KASH5: variants seen among roughly 807,000 people sequenced by gnomAD.
KASH5 encodes KASH domain containing 5.
In KASH5, 72 loss-of-function variants were observed where a neutral mutation model predicts 84.2. The observed-to-expected ratio is 0.85, with a 90% CI of 0.71 to 1.04. KASH5 has a LOEUF of 1.04. Among genes scored for constraint, KASH5 ranks in the 50% least tolerant of loss-of-function variants. The pLI is 0.00. For synonymous variants in KASH5, 260 were observed against 279.1 expected (o/e 0.93, Z 0.68); for missense variants, 650 against 701.0 (o/e 0.93, Z 0.82).
intron 1 of KASH5, chr19:49,389,445 T>C (rs983489002): frequency 1.3e-4 from 19 of 148,718 alleles, no homozygotes; most frequent in Non-Finnish European, 2.2e-4. Flanking sequence ...CCCGTCTCAG[T>C]CCCGTCAGAC....
At position 49,399,055 on chromosome 19, in the gene KASH5, C is replaced by T. The variant is rs1275606720; in HGVS notation, c.660C>T (p.Ala220=). Residue 220 remains alanine, a synonymous_variant, in exon 8 of 20, where the codon GCC becomes GCT. Transcript: ENST00000447857. This position sits in a 1 kb window ranked among gnomAD's most constrained non-coding sequence, Gnocchi z 4.4. ...AGCAGGCCCTGCAGTTTGCCAAGGC[C>T]ATGGATGAGGAGCTGGAGGACCTGA... ...STQQALQFAK[A]MDEELEDLKT... 5 of 1,551,520 alleles carry T rather than the reference C, an allele frequency of 3.2e-6. No individual in the cohort carries two copies. The highest frequency in any genetic ancestry group is 1.4e-5 in the African/African-American group (1 of 73,042).
chr19:49,406,805 C>T (rs2122183492), intron 9 of KASH5, 81 bp from the exon 10 acceptor site: 2 of 1,260,826 alleles, frequency 1.6e-6, no homozygotes, highest in East Asian at 5.0e-5. Context: ...GTATATCAAT[C>T]AAGTGTTTAG....
chr19:49,411,313 A>G (rs1974702396), intron 15 of KASH5, among the ~76,000 whole-genome samples: 1 of 152,052 alleles, frequency 6.6e-6, no homozygotes, highest in African/African-American at 2.4e-5. Context: ...TGTCTTGAGA[A>G]CTGCACCACT....
intron 9 of KASH5, among the ~76,000 whole-genome samples, chr19:49,402,071 A>G (rs1029545745): frequency 1.3e-5 from 2 of 151,308 alleles, no homozygotes; most frequent in East Asian, 3.9e-4. Flanking sequence ...GTGAAGCCCC[A>G]TCTCTACTAA....
At position 49,399,021 on chromosome 19, in the gene KASH5, T is replaced by G; in HGVS notation, c.630-4T>G. On this transcript the variant is annotated splice_region_variant and splice_polypyrimidine_tract_variant and intron_variant, in intron 7 of 19. Coordinates refer to ENST00000447857, the MANE Select transcript of KASH5 (RefSeq NM_144688.5). This position sits in a 1 kb window ranked among gnomAD's most constrained non-coding sequence, Gnocchi z 4.4. ...ATGGCTCATCTGCCCCCACCCGCATTCAGCACCCAGCAGGCCCTGCAGTTT... is the reference window on the plus strand; with the variant it reads ...ATGGCTCATCTGCCCCCACCCGCATGCAGCACCCAGCAGGCCCTGCAGTTT... 6.4e-7 allele frequency: 1 copy of G among 1,550,962 alleles called. No homozygotes were observed. Among genetic ancestry groups the G allele is most frequent in the Non-Finnish European group, 8.7e-7 (1 of 1,146,592 alleles).
Position 49,412,912 on chromosome 19 carries a change from G to T in KASH5, c.1270-56G>T. The T allele has an allele frequency of 1.3e-6, 2 of 1,580,770 alleles. No homozygotes were observed. Among genetic ancestry groups the T allele is most frequent in the African/African-American group, 2.7e-5 (2 of 74,432 alleles). ...CGGGGGAGACAGTGGGCACTGTTAGGGTTGGAGCTTTGAGTGAGAAGAATC... is the reference window on the plus strand; with the variant it reads ...CGGGGGAGACAGTGGGCACTGTTAGTGTTGGAGCTTTGAGTGAGAAGAATC... On this transcript the variant is annotated intron_variant, in intron 15 of 19. Coordinates refer to ENST00000447857, the MANE Select transcript of KASH5 (RefSeq NM_144688.5). This position sits in a 1 kb window ranked among gnomAD's most constrained non-coding sequence, Gnocchi z 4.6.
intron 10 of KASH5, 94 bp downstream of exon 10, chr19:49,407,057 G>A (rs2122185323): frequency 7.4e-7 from 1 of 1,348,518 alleles, no homozygotes; most frequent in Non-Finnish European, 1.0e-6. Flanking sequence ...ATAAGGGCAG[G>A]GTCTTCCATC....
At position 49,394,504 on chromosome 19, in the gene KASH5, A is replaced by C. The variant is rs1974109371; in HGVS notation, c.72A>C (p.Ala24=). 7 of 1,613,740 alleles carry C rather than the reference A, an allele frequency of 4.3e-6. No homozygotes were observed. Among genetic ancestry groups the C allele is most frequent in the Non-Finnish European group, 4.2e-6 (5 of 1,179,878 alleles). Residue 24 remains alanine (A), a synonymous_variant, in exon 3 of 20, where the codon GCA becomes GCC. Transcript: ENST00000447857. ...ACCTCCGGGAGCGGCCTGAGGAGGC[A>C]AGGCTGGGAATGCCGGTCAGCTTGG... is the stretch of plus-strand genomic sequence containing the variant. ...EMYLRERPEE[A]RLGMPVSLEE...
At position 49,399,386 on chromosome 19, in the gene KASH5, G is replaced by A; in HGVS notation, c.748-71G>A. On this transcript the variant is annotated intron_variant, in intron 8 of 19. Transcript: ENST00000447857. This position sits in a 1 kb window ranked among gnomAD's most constrained non-coding sequence, Gnocchi z 4.4. The stretch of plus-strand genomic sequence containing the variant: ...CCAGGCCCTGGTTGTGTTTTCAGGG[G>A]TGGGAGAAGGGCAACATGGGGGCAA... 6.9e-7 allele frequency: 1 copy of A among 1,455,140 alleles called. No individual in the cohort carries two copies. Among genetic ancestry groups the A allele is most frequent in the Non-Finnish European group, 9.5e-7 (1 of 1,055,888 alleles). The allele number at this position is 1,455,140 out of a possible 1,614,324, so 90.1% of individuals were successfully genotyped here.
intron 9 of KASH5, among the ~76,000 whole-genome samples, chr19:49,405,685 G>T (rs1039729463): frequency 6.6e-6 from 1 of 151,292 alleles, no homozygotes; most frequent in Non-Finnish European, 1.5e-5. Flanking sequence ...AGCCGGGTGC[G>T]GTGGCTCACA....
At chr19:49,409,507 C>T (rs1453597248) in intron 14 of KASH5, among the ~76,000 whole-genome samples, 2 of 152,168 alleles carry the variant, frequency 1.3e-5, no homozygotes, top group Non-Finnish European at 1.5e-5. Flanking sequence ...AGCTTTGACT[C>T]ACCCCTATCT....
rs1974281274 is a variant in KASH5 at position 49,399,127 on chromosome 19, C to A, written c.732C>A (p.Ala244=). 6.5e-7 allele frequency: 1 copy of A among 1,549,912 alleles called. No homozygotes were observed. The highest frequency in any genetic ancestry group is 1.4e-5 in the African/African-American group (1 of 72,908). ...SLEEQNRSLL[A]QARQAEKEQQ... Reference sequence around the variant, plus strand: ...AGGAACAGAATCGCAGCCTTCTGGCCCAAGCCCGGCAGGCGGTGGGTCTGG... The same window carrying A: ...AGGAACAGAATCGCAGCCTTCTGGCACAAGCCCGGCAGGCGGTGGGTCTGG... The change falls in exon 8 of 20, where the codon GCC becomes GCA. Residue 244 remains alanine, a synonymous_variant. Coordinates refer to ENST00000447857, the MANE Select transcript of KASH5 (RefSeq NM_144688.5). This position sits in a 1 kb window ranked among gnomAD's most constrained non-coding sequence, Gnocchi z 4.4.
intron 2 of KASH5, among the ~76,000 whole-genome samples, chr19:49,394,090 GC>G (rs1270846859): frequency 6.6e-6 from 1 of 151,988 alleles, no homozygotes; most frequent in Non-Finnish European, 1.5e-5. Context: ...TGGCTCCTGG[GC>G]CCCCCCTTCA....
In KASH5 at chr19:49,409,097, T is replaced by C. The variant is rs1974627587; in HGVS notation, c.1058+66T>C. On this transcript the variant is annotated intron_variant, in intron 13 of 19. Coordinates refer to ENST00000447857, the MANE Select transcript of KASH5 (RefSeq NM_144688.5). ...GCCTAAGGGCAGGGACACCCTGGCC[T>C]CCAGCCCCAAGGTGGGCAGGGAAGG... The C allele has an allele frequency of 1.9e-6, 3 of 1,580,752 alleles. No homozygotes were observed. The South Asian group carries it at 3.4e-5, about 18-fold the overall frequency.
intron 15 of KASH5, among the ~76,000 whole-genome samples, chr19:49,411,726 A>G (rs917667857): frequency 6.6e-6 from 1 of 152,182 alleles, no homozygotes; most frequent in Non-Finnish European, 1.5e-5. Flanking sequence ...AAGGCCTGAT[A>G]GGAGAGACCC....
intron 17 of KASH5, chr19:49,415,278 G>A (rs1045549796): frequency 1.1e-5 from 6 of 526,872 alleles, no homozygotes; most frequent in African/African-American, 7.7e-5. Context: ...CCTCATAGAC[G>A]TGGCTACACC....
At chr19:49,400,193 A>G (rs1974316005) in intron 9 of KASH5, among the ~76,000 whole-genome samples, 1 of 138,216 alleles carries the variant, frequency 7.2e-6, no homozygotes, top group East Asian at 2.2e-4. Context: ...GCATCATGGC[A>G]TTCCAGCCTG....
Position 49,409,248 on chromosome 19 carries a change from C to G in KASH5, c.1111C>G (p.Pro371Ala), listed in dbSNP as rs200176970. Residue 371 changes from proline (P) to alanine (A), a missense_variant, in exon 14 of 20, where the codon CCA becomes GCA. Transcript: ENST00000447857. ...RRVGWTELLP[P>A]SLGLEIEAIR... is the part of the protein sequence containing the mutation. ...AGTGGGCTGGACCGAGCTGCTACCC[C>G]CATCGCTGGGCTTGGAGATCGAGGC... 2.0e-3 allele frequency: 3,180 copies of G among 1,613,964 alleles called. 49 individuals are homozygous for G. Among genetic ancestry groups the G allele is most frequent in the Non-Finnish European group, 3.1e-4 (368 of 1,179,872 alleles).
At chr19:49,397,793 G>A (rs1974230291) in intron 6 of KASH5, 76 bp downstream of exon 6, 1 of 1,542,402 alleles carries the variant, frequency 6.5e-7, no homozygotes, top group East Asian at 2.3e-5. Context: ...CCCGGGTAGG[G>A]CTTGGGATCC....
Sources: gnomAD v4.1 joint callset for allele counts (sites outside exome capture counted in the v4.1 genomes callset) on GRCh38, gnomAD v4.1.1 for gene constraint, Gnocchi (gnomAD v3.1) non-coding constraint, MANE v1.5 for transcripts, NCBI Gene and HGNC (gene_info 2026-07-23, HGNC 2026-07-21) for gene names.